The following HERPUD2 variants were observed in gnomAD, a reference collection of about 807,000 sequenced individuals.
HERPUD2 encodes homocysteine-responsive endoplasmic reticulum-resident ubiquitin-like domain member 2 protein.
A neutral mutation model predicts 49.9 loss-of-function variants in HERPUD2; 13 were observed. The ratio of observed to expected loss-of-function variants is 0.26; its 90% CI spans 0.17 to 0.41. The LOEUF (loss-of-function observed/expected upper bound fraction) is 0.41. HERPUD2 is among the 10% of genes least tolerant of loss of function. The pLI is 1.00. For missense variants in HERPUD2, 449 were observed against 492.2 expected, an observed-to-expected ratio of 0.91 and a Z score of 0.83; for synonymous variants, 172 against 171.4, an observed-to-expected ratio of 1.00 and a Z score of -0.03.
At chr7:35,638,292 A>G in intron 6 of HERPUD2, 58 bp downstream of exon 6, 1 of 1,482,230 alleles carries the variant, frequency 6.7e-7, no homozygotes, top group African/African-American at 1.4e-5. Flanking sequence ...TAGGATAAAA[A>G]GAAAATAAAG....
intron 5 of HERPUD2, among the ~76,000 whole-genome samples, chr7:35,661,518 C>A (rs1188664682): frequency 1.3e-5 from 2 of 152,112 alleles, no homozygotes; most frequent in South Asian, 2.1e-4. Flanking sequence ...ATGGAATGTT[C>A]TTCCATTTGT....
At chr7:35,681,424 C>T (rs1785888637) in intron 2 of HERPUD2, among the ~76,000 whole-genome samples, 2 of 152,166 alleles carry the variant, frequency 1.3e-5, no homozygotes, top group South Asian at 4.1e-4. Flanking sequence ...GAAAGTTAAA[C>T]ATACAGTTAC....
intron 5 of HERPUD2, among the ~76,000 whole-genome samples, chr7:35,645,934 C>T (rs1201585604): frequency 4.6e-5 from 7 of 152,204 alleles, no homozygotes; most frequent in East Asian, 1.9e-4. Flanking sequence ...GTTTTGAACA[C>T]GGTACCACTC....
Position 35,670,604 on chromosome 7 carries a change from GT to G in HERPUD2, c.226-277del, listed in dbSNP as rs536270449. Among the ~76,000 whole-genome samples, 472 of 152,200 alleles carry G rather than the reference GT, an allele frequency of 3.1e-3. 3 individuals carry two copies. Among genetic ancestry groups the G allele is most frequent in the Non-Finnish European group, 3.8e-3 (255 of 67,972 alleles). ...ACGAAGCAGTCTTAAAGCAAACAATGTTGTGAAAGTTGTAACAGCACAATCT... is the reference window on the plus strand; with the variant it reads ...ACGAAGCAGTCTTAAAGCAAACAATGTGTGAAAGTTGTAACAGCACAATCT... On this transcript the variant is annotated intron_variant, in intron 3 of 8. Coordinates refer to ENST00000311350, the MANE Select transcript of HERPUD2 (RefSeq NM_022373.5).
intron 2 of HERPUD2, among the ~76,000 whole-genome samples, chr7:35,687,355 C>T (rs1279538979): frequency 1.3e-5 from 2 of 152,164 alleles, no homozygotes; most frequent in Non-Finnish European, 2.9e-5. Context: ...CTTCCTGGTA[C>T]TCACCCCTAC....
intron 2 of HERPUD2, among the ~76,000 whole-genome samples, chr7:35,686,734 A>C (rs867066888): frequency 0.034 from 3,469 of 103,008 alleles, 442 homozygotes; most frequent in East Asian, 0.1. Flanking sequence ...AAAAAAAAAA[A>C]AAAAAAAAAA....
chr7:35,682,308 G>GAT (rs1295338695), intron 2 of HERPUD2, among the ~76,000 whole-genome samples: 1 of 33,026 alleles, frequency 3.0e-5, no homozygotes, highest in Admixed American at 3.0e-4. Flanking sequence ...TGTATATATA[G>GAT]ATATATACAC....
intron 2 of HERPUD2, among the ~76,000 whole-genome samples, chr7:35,682,707 G>A (rs1785942003): frequency 6.6e-6 from 1 of 150,998 alleles, no homozygotes. Flanking sequence ...ACTAATAAAA[G>A]AATTCAGCAA....
intron 5 of HERPUD2, among the ~76,000 whole-genome samples, chr7:35,662,002 G>A (rs1275071407): frequency 6.6e-6 from 1 of 152,164 alleles, no homozygotes. Flanking sequence ...TATGATATTG[G>A]CTGTGGGTGT....
At chr7:35,673,034 TA>T (rs1785676578) in intron 3 of HERPUD2, among the ~76,000 whole-genome samples, 166 bp downstream of exon 3, 1 of 152,184 alleles carries the variant, frequency 6.6e-6, no homozygotes, top group Non-Finnish European at 1.5e-5. Flanking sequence ...TTACCTAAAC[TA>T]ATAAGAAACT....
At chr7:35,641,758 T>C (rs1464070268) in intron 5 of HERPUD2, among the ~76,000 whole-genome samples, 4 of 152,176 alleles carry the variant, frequency 2.6e-5, no homozygotes. Context: ...TGGCTAGTCA[T>C]ATGCAGAGGA....
intron 2 of HERPUD2, among the ~76,000 whole-genome samples, chr7:35,684,577 G>A (rs944023433): frequency 2.6e-5 from 4 of 151,944 alleles, no homozygotes; most frequent in South Asian, 2.1e-4. Context: ...AAAAAAGAAC[G>A]AATTAATGGC....
chr7:35,694,507 C>A lies in HERPUD2; in HGVS notation c.-177G>T, dbSNP rs1786272468. On this transcript the variant is annotated 5_prime_UTR_variant, in exon 2 of 9. Coordinates refer to ENST00000311350, the MANE Select transcript of HERPUD2 (RefSeq NM_022373.5). ...GCCCATTGCCGGTACCAAGGATGGA[C>A]TGAGGTGGTGGCGACTGCGACGGTG... The A allele has an allele frequency of 7.6e-6, 5 of 655,810 alleles. No homozygotes were observed. Among genetic ancestry groups the A allele is most frequent in the Non-Finnish European group, 1.0e-5 (4 of 385,934 alleles). The allele number at this position is 655,810 out of a possible 1,614,324, so 40.6% of individuals were successfully genotyped here.
intron 5 of HERPUD2, among the ~76,000 whole-genome samples, chr7:35,647,499 G>A (rs1415643793): frequency 1.3e-5 from 2 of 152,184 alleles, no homozygotes; most frequent in Non-Finnish European, 2.9e-5. Context: ...ACTGAATGAA[G>A]TCACAGGGTC....
At chr7:35,655,017 G>C (rs1785244708) in intron 5 of HERPUD2, among the ~76,000 whole-genome samples, 2 of 152,090 alleles carry the variant, frequency 1.3e-5, no homozygotes, top group South Asian at 4.1e-4. Context: ...ACGACGCCCA[G>C]CTAATTTTTG....
intron 2 of HERPUD2, among the ~76,000 whole-genome samples, chr7:35,687,039 G>A (rs1238828375): frequency 1.3e-5 from 2 of 152,012 alleles, no homozygotes; most frequent in Admixed American, 6.6e-5. Flanking sequence ...CAGCCCAGAC[G>A]ACAGTGCGAG....
At chr7:35,649,067 T>C (rs948328729) in intron 5 of HERPUD2, among the ~76,000 whole-genome samples, 3 of 152,082 alleles carry the variant, frequency 2.0e-5, no homozygotes, top group African/African-American at 7.2e-5. Context: ...CTGACTAACA[T>C]GGTGAAACCC....
intron 5 of HERPUD2, among the ~76,000 whole-genome samples, chr7:35,661,500 C>G (rs1252631245): frequency 6.6e-6 from 1 of 152,184 alleles, no homozygotes; most frequent in Admixed American, 6.5e-5. Context: ...TTCTTCCTAT[C>G]CATGAGCATG....
chr7:35,646,666 G>A (rs1431812851), intron 5 of HERPUD2, among the ~76,000 whole-genome samples: 1 of 152,188 alleles, frequency 6.6e-6, no homozygotes, highest in Non-Finnish European at 1.5e-5. Flanking sequence ...GCAGAAACAT[G>A]AGGAAAATGT....
Sources: allele counts gnomAD v4.1 joint callset (sites outside exome capture counted in the v4.1 genomes callset), GRCh38; gene constraint gnomAD v4.1.1; transcripts MANE v1.5; gene names NCBI Gene and HGNC (gene_info 2026-07-23, HGNC 2026-07-21).